The following DENND1A variants were observed in gnomAD, a reference collection of about 807,000 sequenced individuals.
The protein encoded by DENND1A is DENN domain containing 1A.
A neutral mutation model predicts 113.7 loss-of-function variants in DENND1A; 51 were observed. The ratio of observed to expected loss-of-function variants is 0.45; its 90% CI spans 0.36 to 0.57. The LOEUF (loss-of-function observed/expected upper bound fraction) is 0.57, where lower values mean the gene tolerates loss of function less well. DENND1A is among the 20% of genes least tolerant of loss of function. The pLI is 0.00. For missense variants in DENND1A, 1,258 were observed against 1,395.9 expected, an observed-to-expected ratio of 0.90 and a Z score of 1.57; for synonymous variants, 565 against 570.8, an observed-to-expected ratio of 0.99 and a Z score of 0.14.
rs117322815 is a variant in DENND1A at position 123,434,324 on chromosome 9, G to A, written c.1488+6036C>T. ...TTACAGGCGTGAGCCACCATGCCCG[G>A]CCTCACTTCAAAATCCTTCTTTATG... On this transcript the variant is annotated intron_variant, in intron 19 of 23. Transcript: ENST00000394215. 7.9e-3 allele frequency among the ~76,000 whole-genome samples: 1,207 copies of A among 152,332 alleles called. 6 individuals are homozygous for A. Among genetic ancestry groups the A allele is most frequent in the Non-Finnish European group, 0.012 (849 of 68,032 alleles).
chr9:123,624,871 T>A (rs1160890879), intron 10 of DENND1A, among the ~76,000 whole-genome samples: 1 of 151,942 alleles, frequency 6.6e-6, no homozygotes, highest in Admixed American at 6.6e-5. Context: ...CAAGAAAACA[T>A]GAAAGGAGAA....
intron 13 of DENND1A, among the ~76,000 whole-genome samples, chr9:123,494,415 T>G (rs1044820778): frequency 2.0e-5 from 3 of 152,138 alleles, no homozygotes; most frequent in African/African-American, 7.2e-5. Context: ...TACGTCAGTT[T>G]CATAGATGAG....
chr9:123,472,718 T>C (rs1417173662), intron 13 of DENND1A, among the ~76,000 whole-genome samples: 3 of 151,710 alleles, frequency 2.0e-5, no homozygotes, highest in Admixed American at 6.6e-5. Flanking sequence ...GAGTATGGAG[T>C]TGGGGAGAAG....
At chr9:123,455,850 C>A (rs532387791) in intron 15 of DENND1A, among the ~76,000 whole-genome samples, 1 of 152,340 alleles carries the variant, frequency 6.6e-6, no homozygotes, top group African/African-American at 2.4e-5. Context: ...TCCAGCCCAG[C>A]CTCCTTTGTC....
chr9:123,413,629 G>A (rs2044485397), intron 19 of DENND1A: 1 of 985,556 alleles, frequency 1.0e-6, no homozygotes, highest in Non-Finnish European at 1.2e-6. Flanking sequence ...GGCGGCACAT[G>A]GAGAACACGA....
chr9:123,708,040 A>G (rs1303885674), intron 5 of DENND1A, among the ~76,000 whole-genome samples: 1 of 152,144 alleles, frequency 6.6e-6, no homozygotes, highest in East Asian at 1.9e-4. Flanking sequence ...GGGAGAAGGT[A>G]GCGTATACGG....
At chr9:123,680,630 T>C (rs2064383147) in intron 5 of DENND1A, among the ~76,000 whole-genome samples, 1 of 152,202 alleles carries the variant, frequency 6.6e-6, no homozygotes, top group African/African-American at 2.4e-5. Flanking sequence ...AGGACTGCCT[T>C]TTCTAATCTC....
At chr9:123,482,618 G>A (rs980167503) in intron 13 of DENND1A, among the ~76,000 whole-genome samples, 2 of 152,204 alleles carry the variant, frequency 1.3e-5, no homozygotes, top group Non-Finnish European at 2.9e-5. Context: ...AGCCCCTGGA[G>A]CTATCACAGT....
At chr9:123,719,348 G>A (rs138606313) in intron 5 of DENND1A, among the ~76,000 whole-genome samples, 159 of 152,272 alleles carry the variant, frequency 1.0e-3, no homozygotes, top group African/African-American at 3.6e-3. Context: ...ACCCTGTTCT[G>A]ACACCTGAGA....
At chr9:123,669,851 CT>C (rs1350720505) in intron 7 of DENND1A, among the ~76,000 whole-genome samples, 4 of 152,180 alleles carry the variant, frequency 2.6e-5, no homozygotes, top group Non-Finnish European at 5.9e-5. Context: ...GCAAAAGTCT[CT>C]GTAAATTCAT....
intron 13 of DENND1A, among the ~76,000 whole-genome samples, chr9:123,518,866 T>C (rs1379442073): frequency 6.6e-6 from 1 of 152,190 alleles, no homozygotes; most frequent in Non-Finnish European, 1.5e-5. Context: ...TAAAATTAAC[T>C]GTGTCACACC....
chr9:123,652,523 C>T (rs2062715012), intron 8 of DENND1A, among the ~76,000 whole-genome samples: 1 of 152,194 alleles, frequency 6.6e-6, no homozygotes, highest in African/African-American at 2.4e-5. Flanking sequence ...CTTTGGGCCC[C>T]AGATCCTAGA....
In DENND1A at chr9:123,381,511, TCTTG is replaced by T; in HGVS notation, c.3130_3133del (p.Gln1044ThrfsTer2). 1 of 1,613,468 alleles carries T rather than the reference TCTTG, an allele frequency of 6.2e-7. No individual in the cohort carries two copies. The highest frequency in any genetic ancestry group is 8.5e-7 in the Non-Finnish European group (1 of 1,179,926). ...GGCCAGGGCCGGACTCGGGCTCACG[TCTTG>T]CTTGGTTTTCTGTAACAAATCCTCA... On this transcript the variant is annotated frameshift_variant, in exon 24 of 24. Coordinates refer to ENST00000394215, the MANE Select transcript of DENND1A (RefSeq NM_001352964.2). LOFTEE classifies it high-confidence loss of function. The surrounding 1 kb of genome is among the most constrained non-coding windows in gnomAD (Gnocchi z 4.7).
intron 9 of DENND1A, among the ~76,000 whole-genome samples, chr9:123,647,736 G>A (rs767421687): frequency 3.9e-5 from 6 of 152,110 alleles, no homozygotes; most frequent in Non-Finnish European, 7.3e-5. Context: ...TGATAGTGCA[G>A]TTCATTTTCA....
chr9:123,626,697 G>A (rs780827950), intron 10 of DENND1A, among the ~76,000 whole-genome samples: 2 of 152,170 alleles, frequency 1.3e-5, no homozygotes, highest in Non-Finnish European at 2.9e-5. Context: ...ATATGGCAGT[G>A]AGAAGAAACC....
At chr9:123,672,560 T>C (rs187566285) in intron 6 of DENND1A, among the ~76,000 whole-genome samples, 1 of 152,348 alleles carries the variant, frequency 6.6e-6, no homozygotes. Context: ...AGTTCATGTG[T>C]TGACAATTTA....
intron 5 of DENND1A, among the ~76,000 whole-genome samples, chr9:123,738,484 G>C (rs889260875): frequency 3.7e-4 from 44 of 118,508 alleles, no homozygotes; most frequent in African/African-American, 1.6e-3. Flanking sequence ...TGTGTGTGTA[G>C]TGATGTTTTT....
intron 22 of DENND1A, among the ~76,000 whole-genome samples, chr9:123,386,468 G>C (rs2808412): frequency 6.7e-6 from 1 of 148,880 alleles, no homozygotes; most frequent in African/African-American, 2.5e-5. Context: ...TGCAACCTCC[G>C]CCTCCCGGGT....
intron 8 of DENND1A, among the ~76,000 whole-genome samples, chr9:123,654,032 T>C (rs761756401): frequency 1.3e-5 from 2 of 152,056 alleles, no homozygotes; most frequent in African/African-American, 2.4e-5. Flanking sequence ...CACACCAACT[T>C]GCCTCTTAAC....
Sources: gnomAD v4.1 joint callset for allele counts (sites outside exome capture counted in the v4.1 genomes callset) on GRCh38, gnomAD v4.1.1 for gene constraint, Gnocchi (gnomAD v3.1) non-coding constraint, MANE v1.5 for transcripts, NCBI Gene and HGNC (gene_info 2026-07-23, HGNC 2026-07-21) for gene names.